ZNF280C: variants seen among roughly 807,000 people sequenced by gnomAD.
ZNF280C encodes zinc finger protein 280C.
ZNF280C carries 14 observed loss-of-function variants against 53.6 expected under a neutral mutation model. The observed-to-expected ratio is 0.26, with a 90% CI of 0.17 to 0.41. The LOEUF is 0.41. ZNF280C is among the 10% of genes least tolerant of loss of function. The probability of loss-of-function intolerance (pLI) is 1.00; values close to 1 mark genes in which losing one functional copy is unlikely to be tolerated. For synonymous variants in ZNF280C, 203 were observed against 181.1 expected (o/e 1.12, Z -0.97); for missense variants, 416 against 547.1 (o/e 0.76, Z 2.39).
At chrX:130,210,151 TTC>T (rs1270042790) in intron 15 of ZNF280C, among the ~76,000 whole-genome samples, 1 of 112,170 alleles carries the variant, frequency 8.9e-6, no homozygotes, top group Non-Finnish European at 1.9e-5. Flanking sequence ...AGAAATAAAT[TTC>T]TGTTGTTTAT....
At chrX:130,248,214 G>C (rs148688912) in intron 2 of ZNF280C, among the ~76,000 whole-genome samples, 78 of 102,417 alleles carry the variant, frequency 7.6e-4, no homozygotes, top group African/African-American at 2.5e-3. Flanking sequence ...TGCTGAGTGG[G>C]CTGAGGGAAG....
chrX:130,211,497 A>C (rs2032040267), intron 15 of ZNF280C, among the ~76,000 whole-genome samples: 1 of 112,127 alleles, frequency 8.9e-6, no homozygotes, highest in Non-Finnish European at 1.9e-5. Context: ...CTGAACATAC[A>C]GAACTCAAAC....
intron 8 of ZNF280C, among the ~76,000 whole-genome samples, chrX:130,232,824 C>T (rs901813790): frequency 8.9e-6 from 1 of 111,979 alleles, no homozygotes; most frequent in African/African-American, 3.2e-5. Context: ...AGTAATCCTA[C>T]TTCTGTATAT....
At chrX:130,263,304 A>C (rs932790915) in intron 1 of ZNF280C, among the ~76,000 whole-genome samples, 1 of 112,720 alleles carries the variant, frequency 8.9e-6, no homozygotes, top group African/African-American at 3.2e-5. Context: ...GAAACAACTC[A>C]AATACCCATC....
chrX:130,243,866 C>A lies in ZNF280C; in HGVS notation c.179-1G>T. The stretch of plus-strand genomic sequence containing the variant: ...CTGGAGTGGCCTCTGTTCAAAATAT[C>A]TATAAAATTATATTTATTTTAAAAT... On this transcript the variant is annotated splice_acceptor_variant, in intron 3 of 18. Coordinates refer to ENST00000370978, the MANE Select transcript of ZNF280C (RefSeq NM_017666.5). LOFTEE classifies it high-confidence loss of function. 9.2e-7 allele frequency: 1 copy of A among 1,092,244 alleles called. No individual in the cohort carries two copies. The highest frequency in any genetic ancestry group is 3.3e-5 in the East Asian group (1 of 29,920). The allele number at this position is 1,092,244 out of a possible 1,213,427, so 90.0% of individuals were successfully genotyped here. A position where few individuals can be genotyped will look rare whatever the true frequency, so the allele number is the denominator to read the frequency against.
intron 6 of ZNF280C, among the ~76,000 whole-genome samples, chrX:130,236,936 A>G (rs2032341503): frequency 9.0e-6 from 1 of 111,437 alleles, no homozygotes; most frequent in Admixed American, 9.6e-5. Flanking sequence ...AATAAAGAAA[A>G]CAAACAGGTA....
In ZNF280C at chrX:130,217,695, C is replaced by T. The variant is rs1276831163; in HGVS notation, c.1528-1594G>A. On this transcript the variant is annotated intron_variant, in intron 13 of 18. Transcript: ENST00000370978. ...CAAGTATAAACTACAATCAGATAAG[C>T]CTTCTACTTATTCTAAATGGTCATA... is the stretch of plus-strand genomic sequence containing the variant. Among the ~76,000 whole-genome samples the T allele has an allele frequency of 2.7e-5, 3 of 111,912 alleles. No individual in the cohort carries two copies. In the East Asian group the frequency reaches 8.2e-4, roughly 31 times the overall value.
At chrX:130,243,919 T>G in intron 3 of ZNF280C, 54 bp from the exon 4 acceptor site, 5 of 814,048 alleles carry the variant, frequency 6.1e-6, no homozygotes, top group Non-Finnish European at 8.5e-6. Flanking sequence ...TATATACTAA[T>G]AGAAAAATTC....
intron 2 of ZNF280C, among the ~76,000 whole-genome samples, chrX:130,255,245 A>G (rs1191478951): frequency 1.0e-5 from 1 of 95,303 alleles, no homozygotes; most frequent in Admixed American, 1.2e-4. Context: ...GGTTCACGCC[A>G]TTCTCCTTCC....
Position 130,205,296 on chromosome X carries a change from C to CCATT in ZNF280C, c.2158_2161dup (p.Val721GlufsTer10). 1.7e-6 allele frequency: 2 copies of CCATT among 1,179,886 alleles called. No homozygotes were observed. Among genetic ancestry groups the CCATT allele is most frequent in the Non-Finnish European group, 1.1e-6 (1 of 869,901 alleles). ...AAAGAAACACAATTATATATACGTA[C>CCATT]CATTCTCTATTATAACTTGGCAAGT... On this transcript the variant is annotated frameshift_variant and splice_region_variant. Transcript: ENST00000370978. LOFTEE classifies it high-confidence loss of function.
At chrX:130,206,920 T>C (rs886808964) in intron 16 of ZNF280C, among the ~76,000 whole-genome samples, 14 of 112,327 alleles carry the variant, frequency 1.2e-4, no homozygotes, top group Non-Finnish European at 2.1e-4. Context: ...TCTATGCCAG[T>C]CTGAGGGTTT....
intron 2 of ZNF280C, among the ~76,000 whole-genome samples, chrX:130,250,763 A>G (rs2032498413): frequency 8.9e-6 from 1 of 112,133 alleles, no homozygotes; most frequent in Non-Finnish European, 1.9e-5. Flanking sequence ...TGAGGCCAGC[A>G]TTGTCCTGAT....
At chrX:130,249,926 C>T (rs1432179753) in intron 2 of ZNF280C, among the ~76,000 whole-genome samples, 3 of 111,847 alleles carry the variant, frequency 2.7e-5, no homozygotes, top group South Asian at 3.7e-4. Flanking sequence ...TAAAACAATA[C>T]AGGAGCTGAT....
chrX:130,204,664 A>G lies in ZNF280C; in HGVS notation c.*313T>C, dbSNP rs1343196278. The G allele has an allele frequency of 4.5e-6, 1 of 222,134 alleles. No individual in the cohort carries two copies. Among genetic ancestry groups the G allele is most frequent in the Non-Finnish European group, 8.0e-6 (1 of 124,570 alleles). The allele number at this position is 222,134 out of a possible 1,213,427, so 18.3% of individuals were successfully genotyped here. ...GAAAGCAGACAAAACAGACAGAAAA[A>G]GATGAACAGTCATATTATCTGGAAT... On this transcript the variant is annotated 3_prime_UTR_variant, in exon 19 of 19. Transcript: ENST00000370978.
At chrX:130,241,635 C>T (rs1480726499) in intron 5 of ZNF280C, among the ~76,000 whole-genome samples, 1 of 111,624 alleles carries the variant, frequency 9.0e-6, no homozygotes, top group Non-Finnish European at 1.9e-5. Flanking sequence ...CATGGTGGTG[C>T]ATGCCTGTAG....
chrX:130,205,563 T>C, intron 16 of ZNF280C, 148 bp from the exon 17 acceptor site: 1 of 407,636 alleles, frequency 2.5e-6, no homozygotes. Context: ...AAACTTGATA[T>C]ATTTAAAATA....
rs1220751150 is a variant in ZNF280C at position 130,207,494 on chromosome X, G to A, written c.2043-2079C>T. 3.6e-5 allele frequency among the ~76,000 whole-genome samples: 4 copies of A among 110,895 alleles called. No individual in the cohort carries two copies. In the East Asian group the frequency reaches 8.5e-4, roughly 24 times the overall value. ...CTTGCCTCAGCCTCTGAGTAGCTGC[G>A]ATTACAGGCGCACACCACCATGCCC... On this transcript the variant is annotated intron_variant, in intron 16 of 18. Transcript: ENST00000370978.
At chrX:130,258,133 A>G (rs1056898474) in intron 2 of ZNF280C, among the ~76,000 whole-genome samples, 1 of 111,494 alleles carries the variant, frequency 9.0e-6, no homozygotes, top group Non-Finnish European at 1.9e-5. Flanking sequence ...AATAAAAAAT[A>G]AATAATAAAT....
Position 130,243,802 on chromosome X carries a change from G to T in ZNF280C, c.242C>A (p.Pro81Gln). 8.4e-7 allele frequency: 1 copy of T among 1,188,529 alleles called. No homozygotes were observed. Among genetic ancestry groups the T allele is most frequent in the South Asian group, 1.9e-5 (1 of 53,432 alleles). The change falls in exon 4 of 19, where the codon CCA becomes CAA. Residue 81 changes from proline to glutamine, a missense_variant and splice_region_variant. By Grantham distance (76) the Pro-to-Gln change is moderately conservative. Transcript: ENST00000370978. ...GAAATACTACAGTAATACTGTACCT[G>T]GACTGTGTGGCTCACTCTTTATTCC... ...SKGIKSEPHSPGIPEIFRTAS... is the reference protein window; with the variant it reads ...SKGIKSEPHSQGIPEIFRTAS...
Sources: gnomAD v4.1 joint callset for allele counts (sites outside exome capture counted in the v4.1 genomes callset) on GRCh38, gnomAD v4.1.1 for gene constraint, MANE v1.5 for transcripts, NCBI Gene and HGNC (gene_info 2026-07-23, HGNC 2026-07-21) for gene names.